The following INTS7 variants were observed in gnomAD, a reference collection of about 807,000 sequenced individuals.
INTS7 encodes the protein chromosome 1 open reading frame 73.
A neutral mutation model predicts 109.2 loss-of-function variants in INTS7; 46 were observed. The ratio of observed to expected loss-of-function variants is 0.42; its 90% confidence interval spans 0.33 to 0.54. The LOEUF (loss-of-function observed/expected upper bound fraction) is 0.54. Among genes scored for constraint, INTS7 ranks in the 20% least tolerant of loss-of-function variants. INTS7 has a pLI of 0.07. For synonymous variants in INTS7, 412 were observed against 402.9 expected (o/e 1.02, Z -0.27); for missense variants, 929 against 1,132.4 (o/e 0.82, Z 2.58).
chr1:211,964,671 T>TCC (rs910589548), intron 16 of INTS7, among the ~76,000 whole-genome samples: 1 of 151,888 alleles, frequency 6.6e-6, no homozygotes, highest in African/African-American at 2.4e-5. Flanking sequence ...GGCCACACAC[T>TCC]CCTACAACCA....
chr1:212,027,150 C>T (rs1666960303), intron 1 of INTS7, among the ~76,000 whole-genome samples: 1 of 152,132 alleles, frequency 6.6e-6, no homozygotes, highest in South Asian at 2.1e-4. Flanking sequence ...TTCAGGCTGG[C>T]TCCGAAGGAC....
At chr1:212,000,202 G>A (rs115923377) in intron 7 of INTS7, among the ~76,000 whole-genome samples, 4,172 of 152,198 alleles carry the variant, frequency 0.027, 81 homozygotes, top group Non-Finnish European at 0.04. Flanking sequence ...GCTATTAGAA[G>A]TTATAAAGAC....
At chr1:211,955,116 G>T (rs1290782936) in intron 16 of INTS7, among the ~76,000 whole-genome samples, 2 of 152,152 alleles carry the variant, frequency 1.3e-5, no homozygotes, top group African/African-American at 2.4e-5. Flanking sequence ...CTTGTCCCTT[G>T]TAAGTTGGAT....
intron 15 of INTS7, among the ~76,000 whole-genome samples, chr1:211,967,451 CAAAA>C (rs35896290): frequency 1.2e-5 from 1 of 82,446 alleles, no homozygotes; most frequent in Non-Finnish European, 2.2e-5. Flanking sequence ...GACTCCATCT[CAAAA>C]AAAAAAAAAA....
At chr1:212,000,748 C>T (rs1285262669) in intron 7 of INTS7, among the ~76,000 whole-genome samples, 2 of 152,138 alleles carry the variant, frequency 1.3e-5, no homozygotes, top group African/African-American at 4.8e-5. Flanking sequence ...AATTACCTAA[C>T]AAAACAAAAC....
In INTS7 at chr1:211,975,387, A is replaced by C; in HGVS notation, c.1609-15T>G. ...TCATGATTACCCTAAAAACAAAAAA[A>C]GAAAAGAAAAAAGAATAGAAGGAGC... On this transcript the variant is annotated splice_polypyrimidine_tract_variant and intron_variant, in intron 12 of 19. Transcript: ENST00000366994. The C allele has an allele frequency of 6.2e-7, 1 of 1,601,630 alleles. No individual in the cohort carries two copies. Among genetic ancestry groups the C allele is most frequent in the Non-Finnish European group, 8.5e-7 (1 of 1,170,078 alleles).
At chr1:212,001,343 G>A (rs1665663282) in intron 7 of INTS7, among the ~76,000 whole-genome samples, 1 of 152,008 alleles carries the variant, frequency 6.6e-6, no homozygotes, top group Non-Finnish European at 1.5e-5. Flanking sequence ...GAGCCACCAC[G>A]CCCGGCCCAG....
chr1:211,993,662 A>G (rs1213934827), intron 7 of INTS7, among the ~76,000 whole-genome samples: 1 of 140,776 alleles, frequency 7.1e-6, no homozygotes, highest in Admixed American at 7.4e-5. Flanking sequence ...CCTGGGTGAC[A>G]GGGTGAGACT....
intron 11 of INTS7, among the ~76,000 whole-genome samples, chr1:211,977,015 A>C (rs1222328789): frequency 2.0e-5 from 3 of 152,250 alleles, no homozygotes; most frequent in Non-Finnish European, 4.4e-5. Flanking sequence ...CAGACTTACC[A>C]ACATAGATGA....
intron 1 of INTS7, among the ~76,000 whole-genome samples, chr1:212,026,217 C>T (rs568473709): frequency 6.6e-6 from 1 of 152,226 alleles, no homozygotes; most frequent in East Asian, 1.9e-4. Flanking sequence ...CAAAAGACAA[C>T]CACAAAGTAA....
intron 7 of INTS7, among the ~76,000 whole-genome samples, chr1:212,001,545 G>A (rs2102460130): frequency 6.6e-6 from 1 of 152,190 alleles, no homozygotes; most frequent in African/African-American, 2.4e-5. Context: ...TCTAGAGAAG[G>A]GTTGGTCCTG....
chr1:211,943,626 C>T (rs1263356012), intron 19 of INTS7, among the ~76,000 whole-genome samples: 1 of 152,154 alleles, frequency 6.6e-6, no homozygotes, highest in Non-Finnish European at 1.5e-5. Context: ...AAGGCTCAGC[C>T]GTGTCAGAGT....
At chr1:212,005,038 A>AT (rs1665842454) in intron 7 of INTS7, among the ~76,000 whole-genome samples, 3 of 152,242 alleles carry the variant, frequency 2.0e-5, no homozygotes, top group Admixed American at 1.3e-4. Context: ...ATTCCCAGGT[A>AT]TACACTCTAA....
chr1:211,956,284 A>G (rs1399624980), intron 16 of INTS7, among the ~76,000 whole-genome samples: 1 of 152,192 alleles, frequency 6.6e-6, no homozygotes. Context: ...CTGTAGTTTT[A>G]TATTAAGTCT....
intron 7 of INTS7, among the ~76,000 whole-genome samples, chr1:212,005,118 GGAAATAACCCATC>G (rs1665846773): frequency 6.6e-6 from 1 of 151,990 alleles, no homozygotes; most frequent in Non-Finnish European, 1.5e-5. Flanking sequence ...AGGCCCATGC[GGAAATAACCCATC>G]GAGAGCAAAT....
intron 9 of INTS7, 110 bp downstream of exon 9, chr1:211,982,566 T>G: frequency 1.4e-6 from 1 of 736,822 alleles, no homozygotes; most frequent in East Asian, 2.8e-5. Flanking sequence ...AGTCAATTTG[T>G]AGATCAAGGC....
At chr1:211,945,412 T>TA (rs1221137028) in intron 18 of INTS7, among the ~76,000 whole-genome samples, 6 of 152,318 alleles carry the variant, frequency 3.9e-5, no homozygotes, top group East Asian at 1.9e-4. Context: ...CACTGTGCTA[T>TA]AAAAAAAGTC....
chr1:211,979,584 T>A (rs1156627410), intron 10 of INTS7, among the ~76,000 whole-genome samples: 1 of 152,208 alleles, frequency 6.6e-6, no homozygotes, highest in Non-Finnish European at 1.5e-5. Context: ...AATTATATTA[T>A]CTCCTCATTA....
At chr1:212,030,245 T>A (rs980534164) in intron 1 of INTS7, among the ~76,000 whole-genome samples, 6 of 152,158 alleles carry the variant, frequency 3.9e-5, no homozygotes, top group Non-Finnish European at 4.4e-5. Flanking sequence ...TTATGTTGCA[T>A]TAAGTTGCCC....
Sources: allele counts gnomAD v4.1 joint callset (sites outside exome capture counted in the v4.1 genomes callset), GRCh38; gene constraint gnomAD v4.1.1; transcripts MANE v1.5; gene names NCBI Gene and HGNC (gene_info 2026-07-23, HGNC 2026-07-21).